ARID2: variants seen among roughly 807,000 people sequenced by gnomAD.
The protein encoded by ARID2 is AT-rich interaction domain 2, also known as AT-rich interactive domain-containing protein 2.
A neutral mutation model predicts 184.6 loss-of-function variants in ARID2; 32 were observed. That is an observed-to-expected ratio of 0.17 (90% CI 0.13 to 0.23). The LOEUF (loss-of-function observed/expected upper bound fraction) is 0.23, where lower values mean the gene tolerates loss of function less well. Ranked by LOEUF, ARID2 falls within the 10% of genes least tolerant of loss-of-function variation. The pLI is 1.00. For synonymous variants in ARID2, 836 were observed against 772.6 expected (o/e 1.08, Z -1.36); for missense variants, 1,696 against 2,197.6 (o/e 0.77, Z 4.56).
At chr12:45,845,723 A>G (rs925916266) in intron 11 of ARID2, among the ~76,000 whole-genome samples, 1 of 152,272 alleles carries the variant, frequency 6.6e-6, no homozygotes, top group Non-Finnish European at 1.5e-5. Context: ...TGGCTGTACT[A>G]TGGAGCTTGC....
chr12:45,772,791 T>A (rs1165249517), intron 3 of ARID2, among the ~76,000 whole-genome samples: 2 of 152,122 alleles, frequency 1.3e-5, no homozygotes, highest in African/African-American at 4.8e-5. Flanking sequence ...AGAGGCAATT[T>A]AAAAATAATG....
At chr12:45,813,605 T>C (rs1942753093) in intron 4 of ARID2, among the ~76,000 whole-genome samples, 1 of 152,150 alleles carries the variant, frequency 6.6e-6, no homozygotes, top group Admixed American at 6.6e-5. Flanking sequence ...ATAAATGTAT[T>C]TATCCAGAGA....
intron 3 of ARID2, among the ~76,000 whole-genome samples, chr12:45,746,246 G>A (rs758729603): frequency 3.9e-5 from 6 of 151,968 alleles, no homozygotes; most frequent in Non-Finnish European, 7.4e-5. Context: ...TAGTAACTAG[G>A]ACTACAGGTG....
In ARID2 at chr12:45,883,582, C is replaced by T. The variant is rs375174256; in HGVS notation, c.4923-8198C>T. On this transcript the variant is annotated intron_variant, in intron 16 of 20. Transcript: ENST00000334344. ...GAATTTATTTGCCAGTATGATATCACAGATACTGTATATAAAAATATACCC... is the reference window on the plus strand; with the variant it reads ...GAATTTATTTGCCAGTATGATATCATAGATACTGTATATAAAAATATACCC... Among the ~76,000 whole-genome samples the T allele has an allele frequency of 8.8e-5, 13 of 148,302 alleles. No homozygotes were observed. The South Asian group carries it at 2.6e-3, about 30-fold the overall frequency.
At chr12:45,780,610 AATTATTATT>A (rs569637304) in intron 3 of ARID2, among the ~76,000 whole-genome samples, 1 of 151,532 alleles carries the variant, frequency 6.6e-6, no homozygotes, top group African/African-American at 2.4e-5. Context: ...AATTGATATA[AATTATTATT>A]ATTATTATTA....
At chr12:45,788,525 T>G (rs1565596273) in intron 3 of ARID2, among the ~76,000 whole-genome samples, 1 of 152,188 alleles carries the variant, frequency 6.6e-6, no homozygotes, top group Non-Finnish European at 1.5e-5. Flanking sequence ...TATTTACATG[T>G]ATCAGGGAAA....
At chr12:45,871,807 A>G (rs2138205589) in intron 16 of ARID2, among the ~76,000 whole-genome samples, 1 of 152,314 alleles carries the variant, frequency 6.6e-6, no homozygotes, top group Non-Finnish European at 1.5e-5. Flanking sequence ...AATGTTATTC[A>G]GATTATCTGT....
At position 45,906,988 on chromosome 12, in the gene ARID2, T is replaced by C. The variant is rs1592152541; in HGVS notation, c.*1910T>C. On this transcript the variant is annotated 3_prime_UTR_variant, in exon 21 of 21. Transcript: ENST00000334344. ...ATTAAAAATGTTTTAAATATTTTGA[T>C]TGAATTAGTACCAATGTAAAATCTA... 5.6e-5 allele frequency: 13 copies of C among 231,740 alleles called. No individual in the cohort carries two copies. In the East Asian group the frequency reaches 8.0e-4, roughly 14 times the overall value. The allele number at this position is 231,740 out of a possible 1,614,324, so 14.4% of individuals were successfully genotyped here. A position where few individuals can be genotyped will look rare whatever the true frequency, so the allele number is the denominator to read the frequency against.
At chr12:45,734,776 C>T (rs931074924) in intron 3 of ARID2, among the ~76,000 whole-genome samples, 16 of 152,180 alleles carry the variant, frequency 1.1e-4, no homozygotes, top group African/African-American at 3.9e-4. Flanking sequence ...GGACAGTTTG[C>T]TGGTCTTATC....
At chr12:45,742,503 G>A (rs541702526) in intron 3 of ARID2, among the ~76,000 whole-genome samples, 2 of 152,258 alleles carry the variant, frequency 1.3e-5, no homozygotes, top group South Asian at 4.1e-4. Flanking sequence ...TGTAAAACAC[G>A]TAAGATTAAG....
At chr12:45,832,390 T>C (rs561322950) in intron 6 of ARID2, among the ~76,000 whole-genome samples, 1 of 152,238 alleles carries the variant, frequency 6.6e-6, no homozygotes. Flanking sequence ...TTTAGTTTCT[T>C]GGATCTGTGG....
At chr12:45,769,245 G>A (rs1370548978) in intron 3 of ARID2, among the ~76,000 whole-genome samples, 5 of 152,152 alleles carry the variant, frequency 3.3e-5, no homozygotes, top group African/African-American at 1.2e-4. Flanking sequence ...ACTTCAAATA[G>A]CCATTGTAAA....
At chr12:45,747,606 A>C (rs1216524961) in intron 3 of ARID2, among the ~76,000 whole-genome samples, 2 of 152,150 alleles carry the variant, frequency 1.3e-5, no homozygotes, top group Non-Finnish European at 2.9e-5. Flanking sequence ...TGGGAAATCT[A>C]ATTTGGGAAA....
intron 3 of ARID2, among the ~76,000 whole-genome samples, chr12:45,774,322 T>C (rs1210896478): frequency 1.3e-5 from 2 of 152,290 alleles, no homozygotes; most frequent in East Asian, 1.9e-4. Context: ...GACCCTTACA[T>C]GTTCCTTGAA....
intron 3 of ARID2, among the ~76,000 whole-genome samples, chr12:45,800,228 A>G (rs1288354758): frequency 6.6e-6 from 1 of 152,212 alleles, no homozygotes; most frequent in African/African-American, 2.4e-5. Flanking sequence ...AATAGATACA[A>G]TAACGTGGCA....
At chr12:45,737,363 T>G (rs1043116424) in intron 3 of ARID2, among the ~76,000 whole-genome samples, 8 of 151,916 alleles carry the variant, frequency 5.3e-5, no homozygotes, top group Admixed American at 2.0e-4. Context: ...CCCCCGCCCT[T>G]TTTTTCCCCA....
At chr12:45,869,305 G>A (rs551671663) in intron 16 of ARID2, among the ~76,000 whole-genome samples, 5 of 152,088 alleles carry the variant, frequency 3.3e-5, no homozygotes, top group East Asian at 1.9e-4. Context: ...GTGCGCCACC[G>A]TGCCCGGCCG....
chr12:45,786,837 G>A (rs1019483632), intron 3 of ARID2, among the ~76,000 whole-genome samples: 3 of 152,192 alleles, frequency 2.0e-5, no homozygotes, highest in Non-Finnish European at 4.4e-5. Flanking sequence ...CCTGTCATTT[G>A]CAACAGCATG....
intron 20 of ARID2, among the ~76,000 whole-genome samples, chr12:45,902,563 G>A (rs182500610): frequency 1.8e-4 from 27 of 148,690 alleles, no homozygotes; most frequent in Non-Finnish European, 3.1e-4. Flanking sequence ...ATGGAGTCTC[G>A]CTCTGTTGCC....
Sources: gnomAD v4.1 joint callset for allele counts (sites outside exome capture counted in the v4.1 genomes callset) on GRCh38, gnomAD v4.1.1 for gene constraint, MANE v1.5 for transcripts, NCBI Gene and HGNC (gene_info 2026-07-23, HGNC 2026-07-21) for gene names.